SNX29: variants seen among roughly 807,000 people sequenced by gnomAD.
The protein encoded by SNX29 is sorting nexin 29, also known as sorting nexin-29.
Under a neutral mutation model 102.1 loss-of-function variants are expected in SNX29, and 78 were observed. The ratio of observed to expected loss-of-function variants is 0.76; its 90% confidence interval spans 0.64 to 0.92. The LOEUF (loss-of-function observed/expected upper bound fraction) is 0.92, where lower values mean the gene tolerates loss of function less well. Among genes scored for constraint, SNX29 ranks in the 40% least tolerant of loss-of-function variants. The probability of loss-of-function intolerance (pLI) is 0.00; values close to 1 mark genes in which losing one functional copy is unlikely to be tolerated. For synonymous variants in SNX29, 580 were observed against 414.5 expected, an observed-to-expected ratio of 1.40 and a Z score of -4.85; for missense variants, 1,280 against 1,061.7, an observed-to-expected ratio of 1.21 and a Z score of -2.86.
In SNX29 at chr16:12,541,418, C is replaced by CTCA. The variant is rs2077334490; in HGVS notation, c.2318+16579_2318+16581dup. 3.9e-5 allele frequency among the ~76,000 whole-genome samples: 6 copies of CTCA among 152,152 alleles called. No homozygotes were observed. The East Asian group carries it at 1.2e-3, about 29-fold the overall frequency. On this transcript the variant is annotated intron_variant, in intron 20 of 20. Transcript: ENST00000566228. ...CATTGTACAGATAAAGAAACTGAGG[C>CTCA]TCATGGAAGGTCATCAATGTCTCAA...
intron 11 of SNX29, among the ~76,000 whole-genome samples, chr16:12,112,227 C>T (rs1310242947): frequency 6.6e-6 from 1 of 152,136 alleles, no homozygotes; most frequent in Non-Finnish European, 1.5e-5. Context: ...CCTGAGAGTG[C>T]CCAGTCACGA....
intron 16 of SNX29, among the ~76,000 whole-genome samples, chr16:12,366,387 C>T (rs1272246183): frequency 6.6e-6 from 1 of 152,192 alleles, no homozygotes; most frequent in Non-Finnish European, 1.5e-5. Flanking sequence ...CCGACGAGTG[C>T]ATCTGGGAAA....
chr16:12,253,781 G>A (rs1388254003), intron 14 of SNX29, among the ~76,000 whole-genome samples: 1 of 152,146 alleles, frequency 6.6e-6, no homozygotes. Context: ...AGCAAAGGAG[G>A]GGTGGCCTCT....
intron 18 of SNX29, among the ~76,000 whole-genome samples, chr16:12,439,479 G>A (rs1367521534): frequency 1.3e-5 from 2 of 152,210 alleles, no homozygotes; most frequent in African/African-American, 2.4e-5. Flanking sequence ...GACTGGGGAG[G>A]CCTCACAATC....
intron 19 of SNX29, among the ~76,000 whole-genome samples, chr16:12,516,114 A>G (rs1216561550): frequency 1.3e-5 from 2 of 152,180 alleles, no homozygotes; most frequent in East Asian, 3.9e-4. Context: ...TCTAATTGCA[A>G]GGCATGCTGG....
intron 1 of SNX29, among the ~76,000 whole-genome samples, chr16:11,991,812 C>G (rs1435672126): frequency 6.6e-6 from 1 of 151,452 alleles, no homozygotes; most frequent in Non-Finnish European, 1.5e-5. Flanking sequence ...TTTGGCCTCC[C>G]AAAGTGCTGG....
chr16:12,276,160 C>G (rs2079244537), intron 14 of SNX29, among the ~76,000 whole-genome samples: 1 of 152,144 alleles, frequency 6.6e-6, no homozygotes, highest in Admixed American at 6.5e-5. Context: ...CCCAAAAGTG[C>G]TGGCATTACA....
At chr16:12,380,509 C>T (rs1180552028) in intron 16 of SNX29, among the ~76,000 whole-genome samples, 1 of 128,768 alleles carries the variant, frequency 7.8e-6, no homozygotes, top group Non-Finnish European at 1.7e-5. Context: ...TATCCACCTA[C>T]CCACCCCTCA....
chr16:12,557,008 C>G (rs1205184990), intron 20 of SNX29, among the ~76,000 whole-genome samples: 1 of 67,158 alleles, frequency 1.5e-5, no homozygotes, highest in Non-Finnish European at 3.1e-5. Context: ...CCACATCTGG[C>G]TAATTTACCC....
At chr16:12,121,552 A>G (rs759782348) in intron 11 of SNX29, among the ~76,000 whole-genome samples, 64 of 152,236 alleles carry the variant, frequency 4.2e-4, no homozygotes, top group Non-Finnish European at 7.2e-4. Context: ...CTTAGGCTAC[A>G]GGGCTCTGTA....
At chr16:12,024,623 G>C (rs2151107088) in intron 3 of SNX29, among the ~76,000 whole-genome samples, 1 of 152,316 alleles carries the variant, frequency 6.6e-6, no homozygotes, top group East Asian at 1.9e-4. Flanking sequence ...TGTGACCTGT[G>C]TGCCTCTGTG....
intron 19 of SNX29, among the ~76,000 whole-genome samples, chr16:12,482,232 G>GT: frequency 6.6e-6 from 1 of 152,172 alleles, no homozygotes; most frequent in Non-Finnish European, 1.5e-5. Flanking sequence ...TAGACAAGAC[G>GT]TGTTTGGGTT....
At chr16:11,992,309 T>A (rs114296770) in intron 1 of SNX29, among the ~76,000 whole-genome samples, 2 of 152,072 alleles carry the variant, frequency 1.3e-5, no homozygotes, top group Non-Finnish European at 2.9e-5. Context: ...TTTTTTTTTT[T>A]AATTGAGGTG....
At chr16:12,558,715 G>C (rs953346897) in intron 20 of SNX29, among the ~76,000 whole-genome samples, 1 of 152,136 alleles carries the variant, frequency 6.6e-6, no homozygotes, top group Non-Finnish European at 1.5e-5. Context: ...GTTTCTACGG[G>C]GGGCTGCACA....
At chr16:12,449,828 G>A (rs1447484364) in intron 18 of SNX29, among the ~76,000 whole-genome samples, 7 of 152,186 alleles carry the variant, frequency 4.6e-5, no homozygotes, top group African/African-American at 1.7e-4. Flanking sequence ...AGATGGTGGT[G>A]ACAGGGGCAG....
chr16:12,277,635 C>T (rs2079295475), intron 14 of SNX29, among the ~76,000 whole-genome samples: 1 of 151,984 alleles, frequency 6.6e-6, no homozygotes, highest in South Asian at 2.1e-4. Flanking sequence ...ATGACAGTGG[C>T]ACAATCATAG....
chr16:12,535,321 T>C (rs1451829176), intron 20 of SNX29, among the ~76,000 whole-genome samples: 1 of 152,160 alleles, frequency 6.6e-6, no homozygotes, highest in Non-Finnish European at 1.5e-5. Flanking sequence ...GTATTTTTAG[T>C]AGAGATGAGG....
chr16:12,388,916 A>G (rs2083429650), intron 16 of SNX29, among the ~76,000 whole-genome samples: 1 of 152,210 alleles, frequency 6.6e-6, no homozygotes. Flanking sequence ...TTGTTCTTAC[A>G]GGCTGGTGTC....
intron 15 of SNX29, among the ~76,000 whole-genome samples, chr16:12,340,165 C>A (rs1035039701): frequency 6.6e-6 from 1 of 152,188 alleles, no homozygotes; most frequent in Non-Finnish European, 1.5e-5. Context: ...TTTTCATCAT[C>A]GTCATCTTCT....
Sources: allele counts gnomAD v4.1 joint callset (sites outside exome capture counted in the v4.1 genomes callset), GRCh38; gene constraint gnomAD v4.1.1; transcripts MANE v1.5; gene names NCBI Gene and HGNC (gene_info 2026-07-23, HGNC 2026-07-21).